Variants in C21orf91 observed in about 807,000 individuals in gnomAD.
The protein encoded by C21orf91 is protein EURL homolog.
C21orf91 carries 26 observed loss-of-function variants against 32.9 expected under a neutral mutation model. That is an observed-to-expected ratio of 0.79 (90% confidence interval 0.58 to 1.10). The LOEUF (loss-of-function observed/expected upper bound fraction) is 1.10, where lower values mean the gene tolerates loss of function less well. C21orf91 is among the 50% of genes least tolerant of loss of function. The pLI, the probability that C21orf91 is intolerant of heterozygous loss-of-function variation, is 0.00. For synonymous variants in C21orf91, 126 were observed against 120.4 expected (o/e 1.05, Z -0.31); for missense variants, 310 against 341.3 (o/e 0.91, Z 0.72).
intron 4 of C21orf91, 24 bp downstream of exon 4, chr21:17,795,184 A>G: frequency 1.3e-6 from 2 of 1,549,786 alleles, no homozygotes; most frequent in Non-Finnish European, 1.8e-6. Context: ...TCACACACAA[A>G]AAAGTACTGA....
At chr21:17,808,642 T>G (rs1320806779) in intron 2 of C21orf91, among the ~76,000 whole-genome samples, 2 of 152,194 alleles carry the variant, frequency 1.3e-5, no homozygotes, top group Admixed American at 1.3e-4. Flanking sequence ...GTAACTAACT[T>G]GTTTTTTAGA....
At position 17,798,762 on chromosome 21, in the gene C21orf91, G is replaced by A. The variant is rs76465823; in HGVS notation, c.128-1644C>T. Among the ~76,000 whole-genome samples the A allele has an allele frequency of 2.5e-3, 375 of 152,258 alleles. 10 individuals carry two copies. The East Asian group carries it at 0.068, about 28-fold the overall frequency. On this transcript the variant is annotated intron_variant, in intron 2 of 4. Coordinates refer to ENST00000284881, the MANE Select transcript of C21orf91 (RefSeq NM_001100420.2). The stretch of plus-strand genomic sequence containing the variant: ...AAACTGACATAAAAAGGAAGCTCAC[G>A]AGCTCTGCTTTATTAAGTTTTATTA...
rs1170919336 is a variant in C21orf91 at position 17,818,231 on chromosome 21, G to A, written c.88C>T (p.Leu30Phe). ...TCAAAACAAATGTGGCAGAAGGAGA[G>A]TGTTTCTTTGTCTGTTCCCAGTTTA... ...VCKLGTDKET[L>F]SFCHICFELN... Residue 30 changes from leucine (L) to phenylalanine (F), a missense_variant, in exon 2 of 5, where the codon CTC becomes TTC. By Grantham distance (22) the Leu-to-Phe change is conservative. Coordinates refer to ENST00000284881, the MANE Select transcript of C21orf91 (RefSeq NM_001100420.2). 3.1e-6 allele frequency: 5 copies of A among 1,609,566 alleles called. No homozygotes were observed. In the Admixed American group the frequency reaches 8.3e-5, roughly 27 times the overall value.
intron 2 of C21orf91, among the ~76,000 whole-genome samples, chr21:17,815,022 G>C (rs1050747418): frequency 1.3e-5 from 2 of 152,128 alleles, no homozygotes; most frequent in Non-Finnish European, 2.9e-5. Context: ...TAAAGTCAGA[G>C]AAAAAGCCAA....
intron 2 of C21orf91, among the ~76,000 whole-genome samples, chr21:17,803,876 G>C (rs1218605131): frequency 6.6e-6 from 1 of 152,140 alleles, no homozygotes; most frequent in Admixed American, 6.6e-5. Flanking sequence ...CCACACTACA[G>C]GTAAGTTTTG....
chr21:17,811,024 T>C lies in C21orf91; in HGVS notation c.127+7168A>G, dbSNP rs556658709. On this transcript the variant is annotated intron_variant, in intron 2 of 4. Coordinates refer to ENST00000284881, the MANE Select transcript of C21orf91 (RefSeq NM_001100420.2). ...GCATGTCTTAGGACCTAAACTTTAGTCCTTGCTTGAATATTCACATTTGTG... is the reference window on the plus strand; with the variant it reads ...GCATGTCTTAGGACCTAAACTTTAGCCCTTGCTTGAATATTCACATTTGTG... 3.5e-4 allele frequency among the ~76,000 whole-genome samples: 54 copies of C among 152,346 alleles called. No individual in the cohort carries two copies. The Middle Eastern group carries it at 0.02, about 58-fold the overall frequency.
At chr21:17,813,503 C>T (rs2062646205) in intron 2 of C21orf91, among the ~76,000 whole-genome samples, 3 of 152,248 alleles carry the variant, frequency 2.0e-5, no homozygotes, top group African/African-American at 7.2e-5. Flanking sequence ...TAGAATGGTT[C>T]TAGAAAGAAC....
Position 17,792,998 on chromosome 21 carries a change from T to C in C21orf91, c.*417A>G, listed in dbSNP as rs1164317680. 1.3e-5 allele frequency: 2 copies of C among 152,812 alleles called. No homozygotes were observed. Among genetic ancestry groups the C allele is most frequent in the East Asian group, 1.9e-4 (1 of 5,192 alleles). The allele number at this position is 152,812 out of a possible 1,614,324, so 9.5% of individuals were successfully genotyped here. On this transcript the variant is annotated 3_prime_UTR_variant, in exon 5 of 5. Transcript: ENST00000284881. ...AAGTACCTAAAATAGCATTTTCACA[T>C]ATAAAATTTTTATATTAAAATATTG... is the stretch of plus-strand genomic sequence containing the variant.
chr21:17,789,979 CA>C lies in C21orf91; in HGVS notation c.*3435del, dbSNP rs1303524799. On this transcript the variant is annotated 3_prime_UTR_variant, in exon 5 of 5. Coordinates refer to ENST00000284881, the MANE Select transcript of C21orf91 (RefSeq NM_001100420.2). ...CAATTATCTTTGCCTTACATCTGAA[CA>C]AAAAGTATTAACTTTTTTATAGCGT... 1 of 152,038 alleles carries C rather than the reference CA, an allele frequency of 6.6e-6. No individual in the cohort carries two copies. The highest frequency in any genetic ancestry group is 1.5e-5 in the Non-Finnish European group (1 of 67,934). The allele number at this position is 152,038 out of a possible 1,614,324, so 9.4% of individuals were successfully genotyped here. A position where few individuals can be genotyped will look rare whatever the true frequency, so the allele number is the denominator to read the frequency against.
chr21:17,810,742 T>A (rs1046252623), intron 2 of C21orf91: 11 of 152,258 alleles, frequency 7.2e-5, no homozygotes, highest in Non-Finnish European at 5.9e-5. Flanking sequence ...ATGGTTCTTC[T>A]GGGTAAGGAC....
intron 2 of C21orf91, among the ~76,000 whole-genome samples, chr21:17,800,062 C>T (rs2062548204): frequency 6.6e-6 from 1 of 151,996 alleles, no homozygotes; most frequent in Non-Finnish European, 1.5e-5. Context: ...AAATGGCATT[C>T]CTGTGGCATC....
chr21:17,818,355 C>A, intron 1 of C21orf91, 30 bp from the exon 2 acceptor site: 1 of 1,576,690 alleles, frequency 6.3e-7, no homozygotes, highest in Non-Finnish European at 8.6e-7. Context: ...GAAAGTTACA[C>A]AATTTCATGA....
intron 2 of C21orf91, among the ~76,000 whole-genome samples, chr21:17,809,833 A>C (rs980828677): frequency 3.3e-5 from 5 of 152,140 alleles, no homozygotes; most frequent in African/African-American, 1.2e-4. Context: ...ATTATGGTGA[A>C]ATCAACCACA....
intron 2 of C21orf91, among the ~76,000 whole-genome samples, chr21:17,802,032 G>A (rs553061095): frequency 6.6e-6 from 1 of 152,016 alleles, no homozygotes; most frequent in East Asian, 1.9e-4. Context: ...TAACCCATCT[G>A]GCATGCTATC....
intron 2 of C21orf91, among the ~76,000 whole-genome samples, chr21:17,803,663 GTCCATAT>G (rs1354511221): frequency 6.6e-6 from 1 of 152,120 alleles, no homozygotes; most frequent in African/African-American, 2.4e-5. Context: ...TGTATGTGTT[GTCCATAT>G]TAAGAAACAG....
In C21orf91 at chr21:17,796,987, T is replaced by C; in HGVS notation, c.259A>G (p.Lys87Glu). Residue 87 changes from lysine (K) to glutamate (E), a missense_variant, in exon 3 of 5, where the codon AAA becomes GAA. Lys to Glu is a moderately conservative substitution (Grantham distance 56, BLOSUM62 1). Transcript: ENST00000284881. ...TTTATCTTCTTACTCAAAATGGTTTTAACTTCTTCATAAGTACTTTTTGAA... is the reference window on the plus strand; with the variant it reads ...TTTATCTTCTTACTCAAAATGGTTTCAACTTCTTCATAAGTACTTTTTGAA... The part of the protein sequence containing the change: ...KLSKSTYEEV[K>E]TILSKKINWI... The C allele has an allele frequency of 6.2e-7, 1 of 1,613,790 alleles. No individual in the cohort carries two copies. Among genetic ancestry groups the C allele is most frequent in the South Asian group, 1.1e-5 (1 of 91,076 alleles).
intron 2 of C21orf91, chr21:17,808,835 T>A (rs1233089526): frequency 6.6e-6 from 1 of 152,236 alleles, no homozygotes; most frequent in African/African-American, 2.4e-5. Context: ...TTTGGATTTG[T>A]GTCTCCACCC....
intron 2 of C21orf91, among the ~76,000 whole-genome samples, chr21:17,814,461 T>C (rs530980711): frequency 6.6e-6 from 1 of 152,190 alleles, no homozygotes; most frequent in Non-Finnish European, 1.5e-5. Flanking sequence ...ATTCTTGCAC[T>C]GCTATAAAGA....
chr21:17,816,807 G>A (rs1031306339), intron 2 of C21orf91, among the ~76,000 whole-genome samples: 1 of 152,116 alleles, frequency 6.6e-6, no homozygotes, highest in Admixed American at 6.6e-5. Flanking sequence ...TTCCTTAAAT[G>A]TAAAATACAG....
Sources: allele counts gnomAD v4.1 joint callset (sites outside exome capture counted in the v4.1 genomes callset), GRCh38; gene constraint gnomAD v4.1.1; transcripts MANE v1.5; gene names NCBI Gene and HGNC (gene_info 2026-07-23, HGNC 2026-07-21).